Variants in PRKG1 observed in about 807,000 individuals in gnomAD.
The protein encoded by PRKG1 is cGMP-dependent protein kinase 1.
PRKG1 carries 35 observed loss-of-function variants against 88.1 expected under a neutral mutation model. The ratio of observed to expected loss-of-function variants is 0.40; its 90% CI spans 0.30 to 0.53. PRKG1 has a LOEUF of 0.53. Ranked by LOEUF, PRKG1 falls within the 20% of genes least tolerant of loss-of-function variation. The pLI, the probability that PRKG1 is intolerant of heterozygous loss-of-function variation, is 0.59. For missense variants in PRKG1, 540 were observed against 839.8 expected (o/e 0.64, Z 4.41); for synonymous variants, 303 against 292.5 (o/e 1.04, Z -0.37).
intron 2 of PRKG1, among the ~76,000 whole-genome samples, chr10:51,233,202 T>C (rs975507811): frequency 4.6e-5 from 7 of 152,202 alleles, no homozygotes; most frequent in African/African-American, 1.7e-4. Context: ...ACATTGTCAC[T>C]CCGGTTTCTC....
upstream of PRKG1, among the ~76,000 whole-genome samples, chr10:51,073,438 T>C (rs1427891799): frequency 1.3e-5 from 2 of 152,078 alleles, no homozygotes; most frequent in Non-Finnish European, 2.9e-5. Flanking sequence ...TATGATTCAG[T>C]TTCAAGATGA....
At chr10:51,268,631 T>C (rs1239143433) in intron 2 of PRKG1, among the ~76,000 whole-genome samples, 2 of 152,210 alleles carry the variant, frequency 1.3e-5, no homozygotes, top group East Asian at 3.8e-4. Context: ...CTGTTCTTTT[T>C]TCAAGGTGCC....
At chr10:51,484,552 T>A (rs1840472696) in intron 3 of PRKG1, among the ~76,000 whole-genome samples, 1 of 152,088 alleles carries the variant, frequency 6.6e-6, no homozygotes, top group South Asian at 2.1e-4. Context: ...GCTGGGATTA[T>A]AGACATAAGC....
intron 4 of PRKG1, among the ~76,000 whole-genome samples, chr10:51,888,300 A>G (rs1192986906): frequency 6.6e-6 from 1 of 152,250 alleles, no homozygotes; most frequent in Admixed American, 6.5e-5. Context: ...TAGTTGGGTT[A>G]TGAAAAATCA....
At chr10:51,910,913 A>G (rs1459835493) in intron 5 of PRKG1, 1 of 152,196 alleles carries the variant, frequency 6.6e-6, no homozygotes. Context: ...GAGTAGGGCT[A>G]TAAGAAGGGA....
At chr10:51,701,352 C>T (rs763743730) in intron 3 of PRKG1, among the ~76,000 whole-genome samples, 9 of 152,152 alleles carry the variant, frequency 5.9e-5, no homozygotes, top group Non-Finnish European at 8.8e-5. Flanking sequence ...ATAGATTTGA[C>T]ATGAGTATGA....
chr10:51,806,276 G>A (rs1358012352), intron 4 of PRKG1, among the ~76,000 whole-genome samples: 1 of 152,144 alleles, frequency 6.6e-6, no homozygotes, highest in Non-Finnish European at 1.5e-5. Flanking sequence ...GCTTCCATAA[G>A]TTTGTTTTTC....
chr10:51,723,621 A>AAAAAAG (rs1554835583), intron 3 of PRKG1, among the ~76,000 whole-genome samples: 15 of 150,926 alleles, frequency 9.9e-5, no homozygotes, highest in Admixed American at 3.3e-4. Context: ...GCATGACAAA[A>AAAAAAG]AAAAAGAAAA....
intron 5 of PRKG1, among the ~76,000 whole-genome samples, chr10:51,979,405 G>T (rs12257324): frequency 0.026 from 1,533 of 59,592 alleles, 21 homozygotes; most frequent in African/African-American, 0.068. Context: ...CATGGATATT[G>T]GTCTGTTTTT....
At chr10:51,666,485 T>C (rs997716626) in intron 3 of PRKG1, among the ~76,000 whole-genome samples, 1 of 152,208 alleles carries the variant, frequency 6.6e-6, no homozygotes, top group Admixed American at 6.5e-5. Context: ...AGTGGCCTTT[T>C]CCTTATTCCA....
chr10:52,166,495 A>G (rs6480737), intron 9 of PRKG1, among the ~76,000 whole-genome samples: 110,358 of 139,948 alleles, frequency 0.79, 43,828 homozygotes, highest in African/African-American at 0.89. Context: ...GTGCAGTGGC[A>G]GGATCTCGGC....
chr10:51,947,636 T>C (rs994287160), intron 5 of PRKG1, among the ~76,000 whole-genome samples: 2 of 152,118 alleles, frequency 1.3e-5, no homozygotes, highest in South Asian at 2.1e-4. Flanking sequence ...TTTAAATTCA[T>C]AAAGTGTGAA....
At chr10:51,684,984 C>G (rs1418676543) in intron 3 of PRKG1, among the ~76,000 whole-genome samples, 2 of 152,070 alleles carry the variant, frequency 1.3e-5, no homozygotes, top group African/African-American at 2.4e-5. Flanking sequence ...AAACCCAAGT[C>G]TAGTACTTGG....
intron 2 of PRKG1, among the ~76,000 whole-genome samples, chr10:51,355,768 G>T (rs1842353264): frequency 1.3e-5 from 2 of 151,878 alleles, no homozygotes; most frequent in African/African-American, 4.8e-5. Context: ...ATTAAAAATT[G>T]CCTAGGATTT....
intron 3 of PRKG1, among the ~76,000 whole-genome samples, chr10:51,635,157 A>C (rs1029435307): frequency 3.9e-5 from 6 of 152,066 alleles, no homozygotes; most frequent in Admixed American, 2.0e-4. Context: ...CCTGTCCTGC[A>C]TTTGGGTTCT....
At chr10:51,999,755 T>C (rs1844546027) in intron 5 of PRKG1, among the ~76,000 whole-genome samples, 1 of 152,092 alleles carries the variant, frequency 6.6e-6, no homozygotes. Context: ...TTTATAAAAA[T>C]TCAGGTACAG....
rs766915028 is a variant in PRKG1, at chr10:52,293,827, A to G, written c.1988A>G (p.Asn663Ser). The G allele has an allele frequency of 3.8e-5, 61 of 1,613,252 alleles. No homozygotes were observed. Among genetic ancestry groups the G allele is most frequent in the Middle Eastern group, 1.6e-4 (1 of 6,078 alleles). Reference sequence around the variant, plus strand: ...GTTGCATCACCCACAGACACAAGTAATTTTGACAGTTTCCCTGAGGACAAC... The same window carrying G: ...GTTGCATCACCCACAGACACAAGTAGTTTTGACAGTTTCCCTGAGGACAAC... ...PSVASPTDTS[N>S]FDSFPEDNDE... The change falls in exon 18 of 18, where the codon AAT (asparagine) becomes AGT (serine). Residue 663 changes from asparagine to serine, a missense_variant. Asn to Ser is a conservative substitution (Grantham distance 46). Around this residue, in one of 5 missense-constraint regions of PRKG1, gnomAD observed 97 missense variants for 210.6 expected, o/e 0.46. Transcript: ENST00000373980.
At chr10:52,019,025 G>T in intron 5 of PRKG1, among the ~76,000 whole-genome samples, 1 of 152,108 alleles carries the variant, frequency 6.6e-6, no homozygotes, top group South Asian at 2.1e-4. Context: ...TGCAAGATTG[G>T]ATATTGACAT....
chr10:51,905,405 A>G (rs983187293), intron 4 of PRKG1, among the ~76,000 whole-genome samples: 3 of 152,166 alleles, frequency 2.0e-5, no homozygotes, highest in Admixed American at 1.3e-4. Context: ...AGAGAGCATT[A>G]TTGTTTCTTT....
Sources: gnomAD v4.1 joint callset for allele counts (sites outside exome capture counted in the v4.1 genomes callset) on GRCh38, gnomAD v4.1.1 for gene constraint, gnomAD v4.1.1 regional missense constraint, MANE v1.5 for transcripts, NCBI Gene and HGNC (gene_info 2026-07-23, HGNC 2026-07-21) for gene names.